Variants in ZNRF1 observed in about 807,000 individuals in gnomAD.
ZNRF1 encodes the protein zinc and ring finger 1.
Under a neutral mutation model 18.4 loss-of-function variants are expected in ZNRF1, and 3 were observed. That is an observed-to-expected ratio of 0.16 (90% CI 0.07 to 0.42). The LOEUF (loss-of-function observed/expected upper bound fraction) is 0.42. ZNRF1 is among the 10% of genes least tolerant of loss of function. The pLI, the probability that ZNRF1 is intolerant of heterozygous loss-of-function variation, is 0.99. For missense variants in ZNRF1, 310 were observed against 329.8 expected (o/e 0.94, Z 0.47); for synonymous variants, 157 against 144.2 (o/e 1.09, Z -0.64).
chr16:75,026,262 T>A (rs191966908), intron 1 of ZNRF1, among the ~76,000 whole-genome samples: 220 of 152,328 alleles, frequency 1.4e-3, no homozygotes, highest in African/African-American at 4.0e-3. Flanking sequence ...TTATTTATTT[T>A]TTTTTTTAAG....
chr16:75,095,617 CAG>C (rs1485352479), intron 2 of ZNRF1: 5 of 1,549,012 alleles, frequency 3.2e-6, no homozygotes, highest in Non-Finnish European at 4.4e-6. Flanking sequence ...AAAGAAGCCT[CAG>C]AGGGGCTCAG....
chr16:75,080,939 C>G, intron 1 of ZNRF1, among the ~76,000 whole-genome samples: 1 of 151,984 alleles, frequency 6.6e-6, no homozygotes, highest in Non-Finnish European at 1.5e-5. Context: ...TTTGGGAGGC[C>G]AAGGTGGGCG....
intron 1 of ZNRF1, among the ~76,000 whole-genome samples, chr16:75,014,132 G>A (rs57707989): frequency 0.059 from 8,958 of 152,142 alleles, 473 homozygotes; most frequent in Admixed American, 0.12. Flanking sequence ...CGCCTAGCCT[G>A]GAATTATTTT....
intron 1 of ZNRF1, among the ~76,000 whole-genome samples, chr16:75,051,503 C>G (rs2035603702): frequency 2.6e-5 from 4 of 151,510 alleles, no homozygotes. Context: ...GCCACCGCAT[C>G]CAGCCTGCAT....
intron 2 of ZNRF1, among the ~76,000 whole-genome samples, chr16:75,094,217 A>G (rs2036173334): frequency 6.6e-6 from 1 of 152,202 alleles, no homozygotes; most frequent in Non-Finnish European, 1.5e-5. Context: ...TGTGTGACAT[A>G]GAGACGCTCT....
At chr16:75,008,315 A>T (rs1355760260) in intron 1 of ZNRF1, among the ~76,000 whole-genome samples, 1 of 152,222 alleles carries the variant, frequency 6.6e-6, no homozygotes, top group African/African-American at 2.4e-5. Context: ...TTGCCTACAT[A>T]TAGGGCCAAG....
intron 1 of ZNRF1, among the ~76,000 whole-genome samples, chr16:75,058,450 G>C (rs1009849341): frequency 6.6e-6 from 1 of 152,156 alleles, no homozygotes; most frequent in African/African-American, 2.4e-5. Flanking sequence ...CAAACCTGCT[G>C]GCCCAACACT....
intron 1 of ZNRF1, among the ~76,000 whole-genome samples, chr16:75,025,824 A>G (rs1215828981): frequency 7.7e-6 from 1 of 129,264 alleles, no homozygotes; most frequent in Non-Finnish European, 1.6e-5. Context: ...AGCATAAGAA[A>G]TTTTTATCTT....
intron 2 of ZNRF1, chr16:75,095,541 C>G: frequency 6.9e-7 from 1 of 1,453,070 alleles, no homozygotes; most frequent in Non-Finnish European, 9.2e-7. Flanking sequence ...TCATGAAGTC[C>G]TCCGTTTGTC....
intron 1 of ZNRF1, 130 bp from the exon 2 acceptor site, chr16:75,093,442 A>G: frequency 3.0e-6 from 2 of 655,996 alleles, no homozygotes; most frequent in Admixed American, 4.8e-5. Flanking sequence ...GGACAGGTCC[A>G]GGGTCTGTTC....
chr16:75,078,587 C>G (rs1365681065), intron 1 of ZNRF1, among the ~76,000 whole-genome samples: 1 of 152,190 alleles, frequency 6.6e-6, no homozygotes, highest in Non-Finnish European at 1.5e-5. Flanking sequence ...GCGTGAGCCA[C>G]CACGCCTGGC....
chr16:75,060,473 CTTTTT>C (rs34182819), intron 1 of ZNRF1, among the ~76,000 whole-genome samples: 4 of 70,250 alleles, frequency 5.7e-5, no homozygotes, highest in East Asian at 4.3e-4. Flanking sequence ...CTCAGAAAAT[CTTTTT>C]TTTTTTTTTT....
intron 1 of ZNRF1, among the ~76,000 whole-genome samples, chr16:75,004,231 G>T (rs185939532): frequency 2.4e-4 from 37 of 152,136 alleles, no homozygotes; most frequent in Non-Finnish European, 5.1e-4. Flanking sequence ...TGCATTAGTG[G>T]GCTGCTTTTA....
At chr16:75,104,937 G>A (rs1480877346) in intron 3 of ZNRF1, 48 bp downstream of exon 3, 16 of 1,457,612 alleles carry the variant, frequency 1.1e-5, no homozygotes, top group Non-Finnish European at 1.4e-5. Flanking sequence ...CTCCCAGAGG[G>A]GCGGACCCCC....
intron 1 of ZNRF1, among the ~76,000 whole-genome samples, chr16:75,005,812 G>A (rs1038990192): frequency 1.3e-5 from 2 of 152,002 alleles, no homozygotes; most frequent in African/African-American, 2.4e-5. Context: ...TCCCTGTCTC[G>A]AAAGTACAGT....
intron 1 of ZNRF1, among the ~76,000 whole-genome samples, chr16:75,031,137 G>GTT (rs1327031295): frequency 5.5e-5 from 7 of 127,762 alleles, no homozygotes; most frequent in African/African-American, 5.8e-5. Flanking sequence ...CGCCCCACCT[G>GTT]TTTTTTTTTT....
In ZNRF1 at chr16:75,050,887, AACAAAAAAAAAC is replaced by A. The variant is rs1368725112; in HGVS notation, c.425-42683_425-42672del. Among the ~76,000 whole-genome samples the A allele has an allele frequency of 6.2e-3, 184 of 29,526 alleles. 24 individuals carry two copies. The highest frequency in any genetic ancestry group is 0.034 in the Middle Eastern group (2 of 58). 19.4% of individuals were successfully genotyped at this position (29,526 alleles called of 152,430 possible). On this transcript the variant is annotated intron_variant, in intron 1 of 4. Coordinates refer to ENST00000335325, the MANE Select transcript of ZNRF1 (RefSeq NM_032268.5). The stretch of plus-strand genomic sequence containing the variant: ...CTCCGTCTCAAAAAAAAAAAAAAAA[AACAAAAAAAAAC>A]AAAAAACTTGTAGCCAGGTACAGTG...
chr16:75,053,618 A>G (rs1205414022), intron 1 of ZNRF1, among the ~76,000 whole-genome samples: 7 of 149,898 alleles, frequency 4.7e-5, no homozygotes, highest in Admixed American at 4.7e-4. Flanking sequence ...AAAAATCACC[A>G]ATGTCCAGTG....
chr16:75,017,784 A>G lies in ZNRF1; in HGVS notation c.424+17689A>G, dbSNP rs115043128. ...TTCTTAGACAGTTGTAGGGTAGATAATTCAAATCAAGTTGGCATCAGGATG... is the reference window on the plus strand; with the variant it reads ...TTCTTAGACAGTTGTAGGGTAGATAGTTCAAATCAAGTTGGCATCAGGATG... On this transcript the variant is annotated intron_variant, in intron 1 of 4. Coordinates refer to ENST00000335325, the MANE Select transcript of ZNRF1 (RefSeq NM_032268.5). Among the ~76,000 whole-genome samples the G allele has an allele frequency of 6.9e-3, 1,045 of 152,302 alleles. 7 individuals are homozygous for G. Among genetic ancestry groups the G allele is most frequent in the African/African-American group, 0.024 (1,001 of 41,550 alleles).
Sources: allele counts gnomAD v4.1 joint callset (sites outside exome capture counted in the v4.1 genomes callset), GRCh38; gene constraint gnomAD v4.1.1; transcripts MANE v1.5; gene names NCBI Gene and HGNC (gene_info 2026-07-23, HGNC 2026-07-21).